The following R3HDM2 variants were observed in gnomAD, a reference collection of about 807,000 sequenced individuals.
R3HDM2 encodes the protein R3H domain-containing protein 2.
R3HDM2 carries 38 observed loss-of-function variants against 124.5 expected under a neutral mutation model. The ratio of observed to expected loss-of-function variants is 0.31; its 90% confidence interval spans 0.24 to 0.40. The LOEUF (loss-of-function observed/expected upper bound fraction) is 0.40. R3HDM2 is among the 10% of genes least tolerant of loss of function. The pLI is 1.00. For synonymous variants in R3HDM2, 391 were observed against 448.0 expected (o/e 0.87, Z 1.61); for missense variants, 869 against 1,236.9 (o/e 0.70, Z 4.46).
At position 57,254,974 on chromosome 12, in the gene R3HDM2, AC is replaced by A; in HGVS notation, c.2771del (p.Gly924ValfsTer44). 1 of 1,345,874 alleles carries A rather than the reference AC, an allele frequency of 7.4e-7. No individual in the cohort carries two copies. The highest frequency in any genetic ancestry group is 1.0e-6 in the Non-Finnish European group (1 of 978,902). 83.4% of individuals were successfully genotyped at this position (1,345,874 alleles called of 1,614,324 possible). On this transcript the variant is annotated frameshift_variant, in exon 24 of 24. Coordinates refer to ENST00000402412, the MANE Select transcript of R3HDM2 (RefSeq NM_001394031.1). LOFTEE classifies it high-confidence loss of function. ...LKDAQGLPGG[G>X]GGDNSGTAEN... is the part of the protein sequence containing the mutation. Reference sequence around the variant, plus strand: ...CAGCAGTCCCACTGTTGTCCCCCCCACCCCCTCCAGGCAGCCCCTGAGCATC... The same window carrying A: ...CAGCAGTCCCACTGTTGTCCCCCCCACCCCTCCAGGCAGCCCCTGAGCATC...
chr12:57,359,258 G>A (rs1281687461), intron 2 of R3HDM2, among the ~76,000 whole-genome samples: 3 of 151,866 alleles, frequency 2.0e-5, no homozygotes, highest in Non-Finnish European at 2.9e-5. Context: ...ATGGTGTTTC[G>A]CCATGCTGCC....
At chr12:57,423,056 C>T (rs1172483436) in intron 1 of R3HDM2, among the ~76,000 whole-genome samples, 2 of 151,984 alleles carry the variant, frequency 1.3e-5, no homozygotes, top group African/African-American at 4.8e-5. Context: ...TATAGCGTCA[C>T]CAAATATTTG....
chr12:57,322,812 GT>G (rs906218726), intron 2 of R3HDM2, among the ~76,000 whole-genome samples: 1 of 152,122 alleles, frequency 6.6e-6, no homozygotes, highest in African/African-American at 2.4e-5. Context: ...AGTCCTAGGT[GT>G]TCCAGGGTGG....
At chr12:57,269,278 C>CCCT in intron 16 of R3HDM2, 45 bp downstream of exon 16, 1 of 1,608,034 alleles carries the variant, frequency 6.2e-7, no homozygotes, top group Non-Finnish European at 8.5e-7. Flanking sequence ...TCCTGGTGTG[C>CCCT]CCTTCCCTTA....
chr12:57,318,406 T>C (rs2055647547), intron 2 of R3HDM2, among the ~76,000 whole-genome samples: 1 of 151,458 alleles, frequency 6.6e-6, no homozygotes, highest in Non-Finnish European at 1.5e-5. Context: ...ATCCTAGCAC[T>C]TTGGGGGGCC....
intron 1 of R3HDM2, among the ~76,000 whole-genome samples, chr12:57,399,488 G>A (rs185662437): frequency 1.3e-5 from 2 of 152,304 alleles, no homozygotes; most frequent in Non-Finnish European, 2.9e-5. Flanking sequence ...CTAATCAGCT[G>A]TATTTAGCAG....
intron 2 of R3HDM2, among the ~76,000 whole-genome samples, chr12:57,317,592 C>T (rs1034446779): frequency 7.5e-6 from 1 of 132,994 alleles, no homozygotes; most frequent in African/African-American, 2.9e-5. Flanking sequence ...ATTTAAGATA[C>T]TCTGAGTTGA....
Position 57,255,103 on chromosome 12 carries a change from C to A in R3HDM2, c.2643G>T (p.Arg881=). The A allele has an allele frequency of 6.3e-7, 1 of 1,587,476 alleles. No individual in the cohort carries two copies. Among genetic ancestry groups the A allele is most frequent in the Non-Finnish European group, 8.6e-7 (1 of 1,165,280 alleles). Residue 881 remains arginine, a synonymous_variant, in exon 24 of 24, where the codon CGG becomes CGT. Transcript: ENST00000402412. ...CAGGGAGATCTGTCACCTCCAGCAC[C>A]CGCCCCAGGACTGGAAGGGGAGGAG... ...DLGTADVVLG[R]VLEVTDLPEG... is the part of the protein sequence containing the mutation.
At chr12:57,430,280 T>C (rs1869448055) in intron 1 of R3HDM2, among the ~76,000 whole-genome samples, 1 of 152,152 alleles carries the variant, frequency 6.6e-6, no homozygotes, top group Non-Finnish European at 1.5e-5. Context: ...TCCCTGTATG[T>C]GCCAACTCAA....
chr12:57,360,006 A>AATATATATATATAT (rs1366274892), intron 2 of R3HDM2, among the ~76,000 whole-genome samples: 2 of 117,670 alleles, frequency 1.7e-5, no homozygotes, highest in African/African-American at 3.0e-5. Flanking sequence ...TAAATAAATA[A>AATATATATATATAT]ATATATATAT....
intron 2 of R3HDM2, among the ~76,000 whole-genome samples, chr12:57,314,577 T>G (rs1272897941): frequency 6.6e-6 from 1 of 152,218 alleles, no homozygotes; most frequent in Non-Finnish European, 1.5e-5. Flanking sequence ...AAAGAAGAAC[T>G]CATTTTTGTA....
rs1230337084 is a variant in R3HDM2, at chr12:57,373,201, C to G, written c.-36+22548G>C. 3.7e-4 allele frequency among the ~76,000 whole-genome samples: 56 copies of G among 152,144 alleles called. 1 individual carries two copies. The highest frequency in any genetic ancestry group is 3.6e-3 in the Admixed American group (55 of 15,274). On this transcript the variant is annotated intron_variant, in intron 2 of 23. Transcript: ENST00000402412. Reference sequence around the variant, plus strand: ...TGGATGACAAAGCAAGACTCTGTCTCTAAAAACAGTAATAACAAGCCGGGC... The same window carrying G: ...TGGATGACAAAGCAAGACTCTGTCTGTAAAAACAGTAATAACAAGCCGGGC...
chr12:57,349,461 T>C (rs983610902), intron 2 of R3HDM2, among the ~76,000 whole-genome samples: 6 of 148,844 alleles, frequency 4.0e-5, no homozygotes, highest in Admixed American at 2.7e-4. Context: ...AACTAAATAG[T>C]GTTTGCAGCA....
At chr12:57,332,909 T>C (rs2058384510) in intron 2 of R3HDM2, among the ~76,000 whole-genome samples, 1 of 152,234 alleles carries the variant, frequency 6.6e-6, no homozygotes, top group South Asian at 2.1e-4. Context: ...GGCCTTTGGA[T>C]ATCGCTTTCA....
chr12:57,291,707 C>CT (rs2048668396), intron 11 of R3HDM2, among the ~76,000 whole-genome samples: 1 of 151,632 alleles, frequency 6.6e-6, no homozygotes, highest in East Asian at 1.9e-4. Flanking sequence ...CCCTGACCAT[C>CT]TTTTGACAAT....
At chr12:57,370,398 G>GGGGA (rs1338310391) in intron 2 of R3HDM2, among the ~76,000 whole-genome samples, 16 of 120,922 alleles carry the variant, frequency 1.3e-4, no homozygotes, top group African/African-American at 5.1e-4. Context: ...TGGGAGGCCC[G>GGGGA]GGGGGGGGGG....
chr12:57,369,644 C>T (rs563625208), intron 2 of R3HDM2, among the ~76,000 whole-genome samples: 1 of 152,098 alleles, frequency 6.6e-6, no homozygotes, highest in South Asian at 2.1e-4. Flanking sequence ...ACAGAAAATC[C>T]CCAACACCTA....
chr12:57,292,731 A>G, intron 10 of R3HDM2, 64 bp from the exon 11 acceptor site: 2 of 1,000,280 alleles, frequency 2.0e-6, no homozygotes, highest in Non-Finnish European at 3.0e-6. Context: ...ACTGCACACC[A>G]GCAAGGAAGA....
chr12:57,278,940 A>G (rs2045490001), intron 14 of R3HDM2, among the ~76,000 whole-genome samples: 1 of 152,078 alleles, frequency 6.6e-6, no homozygotes, highest in East Asian at 1.9e-4. Context: ...TGCTTCTTAC[A>G]CCTAGGGAAG....
Sources: allele counts gnomAD v4.1 joint callset (sites outside exome capture counted in the v4.1 genomes callset), GRCh38; gene constraint gnomAD v4.1.1; transcripts MANE v1.5; gene names NCBI Gene and HGNC (gene_info 2026-07-23, HGNC 2026-07-21).